Variants in SLC27A1 observed in about 807,000 individuals in gnomAD.
SLC27A1 encodes solute carrier family 27 member 1, also known as long-chain fatty acid transport protein 1.
A neutral mutation model predicts 62.2 loss-of-function variants in SLC27A1; 61 were observed. The ratio of observed to expected loss-of-function variants is 0.98; its 90% CI spans 0.80 to 1.21. The LOEUF (loss-of-function observed/expected upper bound fraction) is 1.21, where lower values mean the gene tolerates loss of function less well. Ranked by LOEUF, SLC27A1 falls within the 50% of genes most tolerant of loss-of-function variation. The pLI, the probability that SLC27A1 is intolerant of heterozygous loss-of-function variation, is 0.00. For synonymous variants in SLC27A1, 435 were observed against 408.6 expected (o/e 1.06, Z -0.78); for missense variants, 903 against 932.1 (o/e 0.97, Z 0.41).
At chr19:17,487,944 C>G (rs569283688) in intron 4 of SLC27A1, among the ~76,000 whole-genome samples, 2 of 152,154 alleles carry the variant, frequency 1.3e-5, no homozygotes, top group East Asian at 3.9e-4. Flanking sequence ...CCTGCTCCCC[C>G]CACTCTCTCC....
intron 1 of SLC27A1, among the ~76,000 whole-genome samples, chr19:17,485,003 C>A (rs1166121851): frequency 6.6e-6 from 1 of 152,126 alleles, no homozygotes; most frequent in East Asian, 1.9e-4. Context: ...ACAAACACAC[C>A]CCACATTCCA....
rs772808851 is a variant in SLC27A1, at chr19:17,497,246, G to T, written c.997-9G>T. ...GTCCCATCACCCACTTCCTCACCCC[G>T]TCCCCCAGGTGGTTCAGTACATCGG... On this transcript the variant is annotated splice_polypyrimidine_tract_variant and intron_variant, in intron 6 of 11. Transcript: ENST00000252595. 3 of 1,581,070 alleles carry T rather than the reference G, an allele frequency of 1.9e-6. No homozygotes were observed. The highest frequency in any genetic ancestry group is 2.6e-6 in the Non-Finnish European group (3 of 1,169,508).
intron 6 of SLC27A1, 75 bp from the exon 7 acceptor site, chr19:17,497,180 T>G: frequency 7.9e-7 from 1 of 1,272,438 alleles, no homozygotes; most frequent in Non-Finnish European, 1.1e-6. Flanking sequence ...TGGGGCGGTC[T>G]CGGGGTCTCT....
chr19:17,493,252 G>A lies in SLC27A1; in HGVS notation c.997-4003G>A, dbSNP rs181856514. On this transcript the variant is annotated intron_variant, in intron 6 of 11. Transcript: ENST00000252595. ...AGTTCAAGACCAGCCTGGCCAACAT[G>A]GTGAAACCCCATCTCTACAAAAACA... Among the ~76,000 whole-genome samples the A allele has an allele frequency of 3.6e-3, 535 of 150,390 alleles. 3 individuals carry two copies. The highest frequency in any genetic ancestry group is 0.018 in the Middle Eastern group (5 of 280).
intron 6 of SLC27A1, among the ~76,000 whole-genome samples, chr19:17,489,446 G>C (rs1029155460): frequency 1.3e-5 from 2 of 152,078 alleles, no homozygotes; most frequent in Admixed American, 1.3e-4. Flanking sequence ...CCTGCTCTGT[G>C]TCCAGACCAG....
intron 1 of SLC27A1, among the ~76,000 whole-genome samples, chr19:17,476,882 T>TG (rs1388792620): frequency 3.7e-5 from 2 of 53,558 alleles, no homozygotes; most frequent in Non-Finnish European, 1.0e-4. Context: ...AATGATCATC[T>TG]GTTTTTTTTT....
At chr19:17,471,806 A>T (rs953495852) in intron 1 of SLC27A1, among the ~76,000 whole-genome samples, 1 of 152,022 alleles carries the variant, frequency 6.6e-6, no homozygotes, top group African/African-American at 2.4e-5. Context: ...GGTTGTTCTG[A>T]TGTGGAAATC....
rs749112634 is a variant in SLC27A1 at position 17,497,223 on chromosome 19, C to T, written c.997-32C>T. On this transcript the variant is annotated intron_variant, in intron 6 of 11. Coordinates refer to ENST00000252595, the MANE Select transcript of SLC27A1 (RefSeq NM_198580.3). ...TCCGGGCTCCCCACCGCCTGCCGGT[C>T]CCATCACCCACTTCCTCACCCCGTC... is the stretch of plus-strand genomic sequence containing the variant. 17 of 1,558,304 alleles carry T rather than the reference C, an allele frequency of 1.1e-5. No homozygotes were observed. In the East Asian group the frequency reaches 1.4e-4, roughly 13 times the overall value.
intron 6 of SLC27A1, among the ~76,000 whole-genome samples, chr19:17,489,497 C>CTG (rs57420587): frequency 0.79 from 119,878 of 151,968 alleles, 48,412 homozygotes; most frequent in Non-Finnish European, 0.89. Context: ...AATCCTATAA[C>CTG]TTTGGAGGGT....
At chr19:17,502,831 A>C (rs949307461) in intron 11 of SLC27A1, among the ~76,000 whole-genome samples, 1 of 151,106 alleles carries the variant, frequency 6.6e-6, no homozygotes, top group South Asian at 2.1e-4. Flanking sequence ...GACTACAGGC[A>C]GGCACCACCA....
chr19:17,470,654 C>A lies in SLC27A1; in HGVS notation c.114C>A (p.Ser38Arg). The change falls in exon 1 of 12, where the codon AGC (serine) becomes AGA (arginine). Residue 38 changes from serine (S) to arginine (R), a missense_variant. By Grantham distance (110) the Ser-to-Arg change is moderately radical. Coordinates refer to ENST00000252595, the MANE Select transcript of SLC27A1 (RefSeq NM_198580.3). ...CGGCGCTCGGCGTGTACGTGGGCAG[C>A]GGCGGCTGGCGCTTCCTGCGCATCG... The part of the protein sequence containing the change: ...AAAALGVYVG[S>R]GGWRFLRIVC... 6.3e-7 allele frequency: 1 copy of A among 1,576,324 alleles called. No individual in the cohort carries two copies. The highest frequency in any genetic ancestry group is 8.6e-7 in the Non-Finnish European group (1 of 1,168,340).
Position 17,487,356 on chromosome 19 carries a change from CT to C in SLC27A1, c.724+22del, listed in dbSNP as rs748954088. 3 of 1,593,882 alleles carry C rather than the reference CT, an allele frequency of 1.9e-6. No homozygotes were observed. The South Asian group carries it at 3.4e-5, about 18-fold the overall frequency. ...GGACGGTGAGTCAAGGGTGGGACCC[CT>C]GCTCTATCAACTGGTTTCCTACCCG... On this transcript the variant is annotated intron_variant, in intron 3 of 11. Coordinates refer to ENST00000252595, the MANE Select transcript of SLC27A1 (RefSeq NM_198580.3).
chr19:17,487,839 C>T (rs2075252884), intron 4 of SLC27A1, among the ~76,000 whole-genome samples: 1 of 151,934 alleles, frequency 6.6e-6, no homozygotes, highest in African/African-American at 2.4e-5. Flanking sequence ...ACCTGTTCAC[C>T]ACATCCATCC....
At chr19:17,494,811 A>G (rs2075331640) in intron 6 of SLC27A1, among the ~76,000 whole-genome samples, 1 of 149,230 alleles carries the variant, frequency 6.7e-6, no homozygotes, top group Non-Finnish European at 1.5e-5. Flanking sequence ...AAAAAAAAAA[A>G]TAGGCAACGT....
intron 1 of SLC27A1, among the ~76,000 whole-genome samples, chr19:17,472,256 G>C (rs895466704): frequency 1.5e-4 from 23 of 151,966 alleles, no homozygotes; most frequent in African/African-American, 5.6e-4. Flanking sequence ...TTAGCCAGGC[G>C]TGGTGGTGGA....
intron 4 of SLC27A1, among the ~76,000 whole-genome samples, chr19:17,488,461 C>G (rs970164177): frequency 3.3e-5 from 5 of 152,212 alleles, no homozygotes. Flanking sequence ...CTCACTCCTC[C>G]TCAGCCCCCC....
intron 4 of SLC27A1, 36 bp from the exon 5 acceptor site, chr19:17,488,812 C>T: frequency 1.3e-6 from 2 of 1,591,832 alleles, no homozygotes; most frequent in African/African-American, 1.3e-5. Context: ...ATTTAGGTCC[C>T]AGCCTCTGCC....
In SLC27A1 at chr19:17,505,174, G is replaced by A. The variant is rs922107012; in HGVS notation, c.*562G>A. On this transcript the variant is annotated 3_prime_UTR_variant, in exon 12 of 12. Transcript: ENST00000252595. ...CTCCCAGAGTGCTGGGATTATAGGCGTGAGCCTCTGGCCCGGCCTTTCCTT... is the reference window on the plus strand; with the variant it reads ...CTCCCAGAGTGCTGGGATTATAGGCATGAGCCTCTGGCCCGGCCTTTCCTT... 1.9e-5 allele frequency: 6 copies of A among 319,776 alleles called. No individual in the cohort carries two copies. The highest frequency in any genetic ancestry group is 1.7e-4 in the East Asian group (2 of 11,614). 19.8% of individuals were successfully genotyped at this position (319,776 alleles called of 1,614,324 possible).
intron 7 of SLC27A1, chr19:17,499,893 CAAACAT>C: frequency 2.4e-5 from 5 of 205,414 alleles, no homozygotes; most frequent in Admixed American, 1.1e-4. Flanking sequence ...TGTAGTGGCT[CAAACAT>C]GTTGGAGAAG....
Sources: gnomAD v4.1 joint callset for allele counts (sites outside exome capture counted in the v4.1 genomes callset) on GRCh38, gnomAD v4.1.1 for gene constraint, MANE v1.5 for transcripts, NCBI Gene and HGNC (gene_info 2026-07-23, HGNC 2026-07-21) for gene names.